Variants in ZBBX observed in about 807,000 individuals in gnomAD.
ZBBX encodes zinc finger B-box domain containing.
Under a neutral mutation model 108.5 loss-of-function variants are expected in ZBBX, and 101 were observed. That is an observed-to-expected ratio of 0.93 (90% confidence interval 0.79 to 1.10). ZBBX has a LOEUF of 1.10. Among genes scored for constraint, ZBBX ranks in the 50% least tolerant of loss-of-function variants. The probability of loss-of-function intolerance (pLI) is 0.00; values close to 1 mark genes in which losing one functional copy is unlikely to be tolerated. For synonymous variants in ZBBX, 356 were observed against 323.4 expected, an observed-to-expected ratio of 1.10 and a Z score of -1.08; for missense variants, 1,009 against 941.4, an observed-to-expected ratio of 1.07 and a Z score of -0.94.
chr3:167,378,602 C>T (rs1747324268), intron 2 of ZBBX, among the ~76,000 whole-genome samples: 1 of 152,096 alleles, frequency 6.6e-6, no homozygotes, highest in African/African-American at 2.4e-5. Context: ...AAGCTGTGGG[C>T]TTCTATAAGA....
chr3:167,275,391 C>T (rs1052503192), intron 20 of ZBBX, among the ~76,000 whole-genome samples: 2 of 152,122 alleles, frequency 1.3e-5, no homozygotes, highest in Non-Finnish European at 1.5e-5. Context: ...CTAGGGAGTG[C>T]CAGACAGTGG....
At chr3:167,301,351 G>A (rs1043842963) in intron 17 of ZBBX, among the ~76,000 whole-genome samples, 1 of 152,160 alleles carries the variant, frequency 6.6e-6, no homozygotes, top group Non-Finnish European at 1.5e-5. Context: ...CTAAATGAAA[G>A]ATTCCCTGAG....
chr3:167,202,874 T>A, the ZBBX span, among the ~76,000 whole-genome samples: 1 of 152,118 alleles, frequency 6.6e-6, no homozygotes, highest in African/African-American at 2.4e-5. Flanking sequence ...ATTATTTCAT[T>A]AATTCTCAAC....
chr3:167,181,737 A>T, the ZBBX span, among the ~76,000 whole-genome samples: 1 of 152,300 alleles, frequency 6.6e-6, no homozygotes, highest in Middle Eastern at 3.4e-3. Flanking sequence ...AGTAGATATA[A>T]CAACTTGAAT....
At chr3:167,282,094 A>G in intron 20 of ZBBX, 144 bp downstream of exon 20, 1 of 907,260 alleles carries the variant, frequency 1.1e-6, no homozygotes, top group East Asian at 2.7e-5. Flanking sequence ...TTTCCAGGAA[A>G]ACAGACACAA....
chr3:167,383,928 T>C (rs997439401), upstream of ZBBX, among the ~76,000 whole-genome samples: 4 of 152,078 alleles, frequency 2.6e-5, no homozygotes, highest in Non-Finnish European at 5.9e-5. Context: ...CATTACATGT[T>C]TGTGGCATGG....
At chr3:167,313,280 G>C (rs1390155544) in intron 16 of ZBBX, among the ~76,000 whole-genome samples, 1 of 151,854 alleles carries the variant, frequency 6.6e-6, no homozygotes, top group Non-Finnish European at 1.5e-5. Flanking sequence ...GATGTGTTTT[G>C]TTTTGTTTTT....
the ZBBX span, among the ~76,000 whole-genome samples, chr3:167,181,833 AC>A: frequency 6.6e-6 from 1 of 152,092 alleles, no homozygotes; most frequent in Admixed American, 6.5e-5. Context: ...AAGTAATCCT[AC>A]TGTCCCCGCT....
chr3:167,241,028 T>C (rs912077412), intron 21 of ZBBX, 109 bp from the exon 22 acceptor site: 3 of 1,295,188 alleles, frequency 2.3e-6, no homozygotes, highest in East Asian at 2.5e-5. Context: ...GGCAAGCAGA[T>C]GTGAGGGAGC....
the ZBBX span, among the ~76,000 whole-genome samples, chr3:167,228,031 C>G: frequency 6.6e-6 from 1 of 151,650 alleles, no homozygotes; most frequent in South Asian, 2.1e-4. Flanking sequence ...GATTCTGGGC[C>G]CTCTTGATCT....
the ZBBX span, among the ~76,000 whole-genome samples, chr3:167,178,714 TG>T: frequency 2.0e-5 from 3 of 152,328 alleles, no homozygotes; most frequent in South Asian, 6.2e-4. Context: ...CCCAACTTTT[TG>T]TTATCGGATC....
intron 9 of ZBBX, among the ~76,000 whole-genome samples, chr3:167,341,599 A>C (rs1475686227): frequency 6.6e-6 from 1 of 151,954 alleles, no homozygotes; most frequent in Non-Finnish European, 1.5e-5. Flanking sequence ...ACAGAATAGC[A>C]AAAACAAAAT....
chr3:167,252,852 C>T (rs896651100), intron 20 of ZBBX, among the ~76,000 whole-genome samples: 5 of 152,100 alleles, frequency 3.3e-5, no homozygotes, highest in Non-Finnish European at 7.4e-5. Context: ...AGCGTTTGTA[C>T]ACTATTGCAT....
chr3:167,212,886 T>C, the ZBBX span, among the ~76,000 whole-genome samples: 2 of 152,100 alleles, frequency 1.3e-5, no homozygotes, highest in Non-Finnish European at 2.9e-5. Context: ...TAAGCCTAAG[T>C]GTCACCTGCT....
chr3:167,309,039 A>G (rs2108251314), intron 16 of ZBBX, among the ~76,000 whole-genome samples: 1 of 152,296 alleles, frequency 6.6e-6, no homozygotes, highest in African/African-American at 2.4e-5. Flanking sequence ...CCCAGCAACA[A>G]CCTGATGACC....
chr3:167,323,298 G>A (rs1317951917), intron 11 of ZBBX, among the ~76,000 whole-genome samples: 1 of 150,822 alleles, frequency 6.6e-6, no homozygotes, highest in Non-Finnish European at 1.5e-5. Context: ...AAGAGCCACT[G>A]TGCTTGAGAT....
chr3:167,257,998 A>G (rs1723822741), intron 20 of ZBBX, among the ~76,000 whole-genome samples: 1 of 152,048 alleles, frequency 6.6e-6, no homozygotes, highest in South Asian at 2.1e-4. Context: ...AAAACTCTTT[A>G]GTTTAATTCG....
chr3:167,191,584 T>C, the ZBBX span, among the ~76,000 whole-genome samples: 1 of 152,048 alleles, frequency 6.6e-6, no homozygotes, highest in African/African-American at 2.4e-5. Flanking sequence ...AGCTCTGTCT[T>C]TGCCTGCCCC....
At chr3:167,366,512 T>C (rs1745336893) in intron 5 of ZBBX, among the ~76,000 whole-genome samples, 1 of 151,822 alleles carries the variant, frequency 6.6e-6, no homozygotes, top group Non-Finnish European at 1.5e-5. Flanking sequence ...TAACAAAATA[T>C]TTTTGAAGTT....
Sources: allele counts gnomAD v4.1 joint callset (sites outside exome capture counted in the v4.1 genomes callset), GRCh38; gene constraint gnomAD v4.1.1; transcripts MANE v1.5; gene names NCBI Gene and HGNC (gene_info 2026-07-23, HGNC 2026-07-21).